PVT1: variants seen among roughly 807,000 people sequenced by gnomAD.
The protein encoded by PVT1 is Pvt1 oncogene, also known as CXCR4/PVT1 fusion.
chr8:127,914,813 T>C (rs1815961096), intron 3 of PVT1, among the ~76,000 whole-genome samples: 1 of 147,432 alleles, frequency 6.8e-6, no homozygotes, highest in Admixed American at 6.7e-5. Flanking sequence ...AAGTTGTTGT[T>C]GGTTTTTTTT....
At chr8:128,068,163 G>A (rs1325160994) in intron 4 of PVT1, among the ~76,000 whole-genome samples, 25 of 150,594 alleles carry the variant, frequency 1.7e-4, no homozygotes, top group Admixed American at 1.6e-3. Flanking sequence ...TTTTTTTTCT[G>A]TTTTGCAGTT....
intron 2 of PVT1, among the ~76,000 whole-genome samples, chr8:127,805,913 A>G (rs938837476): frequency 6.6e-6 from 1 of 152,196 alleles, no homozygotes; most frequent in Non-Finnish European, 1.5e-5. Context: ...GTTAACCAGA[A>G]GAACAAAGTG....
At chr8:127,970,289 G>GTTTTGTTT (rs1816748859) in intron 3 of PVT1, among the ~76,000 whole-genome samples, 1 of 49,116 alleles carries the variant, frequency 2.0e-5, no homozygotes, top group African/African-American at 8.5e-5. Flanking sequence ...GCCATGATTT[G>GTTTTGTTT]TTTTTTTTTT....
In PVT1 at chr8:127,844,224, C is replaced by T. The variant is rs142019123; in HGVS notation, n.373-46365C>T. Among the ~76,000 whole-genome samples the T allele has an allele frequency of 1.0e-3, 153 of 152,178 alleles. 1 individual carries two copies. The highest frequency in any genetic ancestry group is 3.6e-3 in the African/African-American group (149 of 41,524). On this transcript the variant is annotated intron_variant and non_coding_transcript_variant, in intron 2 of 10. Coordinates refer to ENST00000651587, the Ensembl canonical transcript of PVT1. ...TGGTCTTGATCTCCTGGCATGTCTA[C>T]ATTATTAAAAGGGTCTCTTTGCATG...
At chr8:128,098,032 C>G (rs1010087426) in intron 6 of PVT1, among the ~76,000 whole-genome samples, 1 of 152,202 alleles carries the variant, frequency 6.6e-6, no homozygotes, top group Non-Finnish European at 1.5e-5. Flanking sequence ...GGACACATCT[C>G]CATGAGCCAG....
At chr8:127,823,043 T>C (rs1294327499) in intron 2 of PVT1, among the ~76,000 whole-genome samples, 1 of 152,240 alleles carries the variant, frequency 6.6e-6, no homozygotes, top group African/African-American at 2.4e-5. Flanking sequence ...GAAAGATTGC[T>C]ATTTCCAAAG....
chr8:128,005,001 A>G (rs966875907), intron 4 of PVT1, among the ~76,000 whole-genome samples: 13 of 152,142 alleles, frequency 8.5e-5, no homozygotes, highest in Non-Finnish European at 1.5e-5. Flanking sequence ...TTAGCCAGGC[A>G]TGGTGGCACA....
chr8:127,896,992 C>G (rs1815687468), intron 3 of PVT1, among the ~76,000 whole-genome samples: 1 of 152,172 alleles, frequency 6.6e-6, no homozygotes, highest in Non-Finnish European at 1.5e-5. Flanking sequence ...CTGGCTTTCC[C>G]AGCTAGAGCC....
intron 4 of PVT1, among the ~76,000 whole-genome samples, chr8:128,009,227 A>G (rs1817283450): frequency 6.6e-6 from 1 of 152,230 alleles, no homozygotes; most frequent in Non-Finnish European, 1.5e-5. Context: ...TCTAGTAAGT[A>G]TAATAAAAGA....
intron 3 of PVT1, among the ~76,000 whole-genome samples, chr8:127,984,883 T>TTC (rs766126373): frequency 2.9e-4 from 27 of 94,352 alleles, no homozygotes; most frequent in Non-Finnish European, 3.7e-4. Context: ...CTTTCTTTCT[T>TTC]TCTTTCTTTC....
intron 3 of PVT1, among the ~76,000 whole-genome samples, chr8:127,950,415 C>T (rs1227651424): frequency 1.3e-5 from 2 of 152,182 alleles, no homozygotes; most frequent in Admixed American, 1.3e-4. Context: ...TGGGGAGATG[C>T]GGCCAGTTTC....
intron 3 of PVT1, among the ~76,000 whole-genome samples, chr8:127,922,430 G>A (rs7832663): frequency 6.6e-6 from 1 of 151,958 alleles, no homozygotes; most frequent in African/African-American, 2.4e-5. Context: ...TAAATATCTG[G>A]ACCTATTTTA....
chr8:127,943,330 C>T (rs1586447804), intron 3 of PVT1, among the ~76,000 whole-genome samples: 1 of 152,290 alleles, frequency 6.6e-6, no homozygotes, highest in East Asian at 1.9e-4. Context: ...CTGGTGGGTC[C>T]ATTAGCTGCA....
chr8:127,902,120 G>A (rs755032091), intron 3 of PVT1, among the ~76,000 whole-genome samples: 31 of 152,184 alleles, frequency 2.0e-4, no homozygotes, highest in Non-Finnish European at 4.1e-4. Flanking sequence ...AGTAACCTCT[G>A]TTTGACCTTA....
chr8:127,915,498 G>A (rs1815972553), intron 3 of PVT1, among the ~76,000 whole-genome samples: 1 of 151,324 alleles, frequency 6.6e-6, no homozygotes, highest in African/African-American at 2.4e-5. Flanking sequence ...TGTAATCCCA[G>A]CTACTTGGGA....
intron 2 of PVT1, among the ~76,000 whole-genome samples, chr8:127,809,554 G>C (rs967853529): frequency 1.3e-5 from 2 of 152,132 alleles, no homozygotes; most frequent in Admixed American, 6.5e-5. Context: ...TTGCCAGAGA[G>C]ATTTGTCCAG....
At chr8:127,962,349 G>C (rs73707148) in intron 3 of PVT1, among the ~76,000 whole-genome samples, 3 of 152,184 alleles carry the variant, frequency 2.0e-5, no homozygotes, top group African/African-American at 7.2e-5. Context: ...CATGATCATC[G>C]GTGGCACTGC....
chr8:128,084,251 A>G (rs1814228633), intron 5 of PVT1, among the ~76,000 whole-genome samples: 1 of 152,110 alleles, frequency 6.6e-6, no homozygotes, highest in South Asian at 2.1e-4. Context: ...TTCCTCTGCC[A>G]CTTTCCCCCT....
At chr8:128,060,583 C>G (rs971620438) in intron 4 of PVT1, among the ~76,000 whole-genome samples, 3 of 152,218 alleles carry the variant, frequency 2.0e-5, no homozygotes, top group Admixed American at 2.0e-4. Context: ...CCTCAACCTT[C>G]TCATGGGAGG....
Sources: allele counts gnomAD v4.1 joint callset (sites outside exome capture counted in the v4.1 genomes callset), GRCh38; gene constraint gnomAD v4.1.1; transcripts MANE v1.5; gene names NCBI Gene and HGNC (gene_info 2026-07-23, HGNC 2026-07-21).